Variants in DST observed in about 807,000 individuals in gnomAD.
The protein encoded by DST is bullous pemphigoid antigen.
A neutral mutation model predicts 875.2 loss-of-function variants in DST; 253 were observed. That is an observed-to-expected ratio of 0.29 (90% CI 0.26 to 0.32). DST has a LOEUF of 0.32. DST is among the 10% of genes least tolerant of loss of function. The pLI is 1.00. For synonymous variants in DST, 3,124 were observed against 3,197.1 expected (o/e 0.98, Z 0.77); for missense variants, 8,287 against 9,111.6 (o/e 0.91, Z 3.68).
At chr6:56,517,141 C>T in intron 71 of DST, 57 bp downstream of exon 71, 1 of 1,258,442 alleles carries the variant, frequency 7.9e-7, no homozygotes, top group Non-Finnish European at 1.2e-6. Flanking sequence ...GGACTGAAAG[C>T]TCAACACCTG....
At chr6:56,843,197 C>T (rs867149203) in intron 4 of DST, 146 of 1,474,930 alleles carry the variant, frequency 9.9e-5, no homozygotes, top group Admixed American at 9.6e-5. Flanking sequence ...CCCCTCGTAA[C>T]CCCCGGACAG....
chr6:56,619,641 T>C, intron 36 of DST: 1 of 1,613,910 alleles, frequency 6.2e-7, no homozygotes, highest in Non-Finnish European at 8.5e-7. Flanking sequence ...TTGCGCTTTA[T>C]TTTCTTGAGA....
chr6:56,581,656 C>T (rs1018001057), intron 49 of DST, among the ~76,000 whole-genome samples: 1 of 152,214 alleles, frequency 6.6e-6, no homozygotes, highest in African/African-American at 2.4e-5. Flanking sequence ...GCCACACAGG[C>T]CTATTCCCAG....
intron 4 of DST, among the ~76,000 whole-genome samples, chr6:56,769,820 C>T (rs1227216269): frequency 1.3e-5 from 2 of 152,042 alleles, no homozygotes; most frequent in South Asian, 2.1e-4. Flanking sequence ...GTTGAGACCC[C>T]GTTTCACAAA....
Position 56,631,979 on chromosome 6 carries a change from C to T in DST, c.3867G>A (p.Arg1289=), listed in dbSNP as rs1204451139. 1 of 1,613,602 alleles carries T rather than the reference C, an allele frequency of 6.2e-7. No homozygotes were observed. The highest frequency in any genetic ancestry group is 1.1e-5 in the South Asian group (1 of 91,070). The part of the protein sequence containing the change: ...YISEVRNIRL[R]LENCEDRLIR... ...TCAGCCGATCTTCACAGTTCTCTAA[C>T]CGAAGTCTAATGTTTCGAACTTCAG... The change falls in exon 29 of 104, where the codon CGG becomes CGA. Residue 1289 remains arginine (R), a synonymous_variant. Coordinates refer to ENST00000680361, the MANE Select transcript of DST (RefSeq NM_001374736.1).
In DST at chr6:56,565,252, C is replaced by G. The variant is rs192788992; in HGVS notation, c.14006-3052G>C. On this transcript the variant is annotated intron_variant, in intron 55 of 103. Coordinates refer to ENST00000680361, the MANE Select transcript of DST (RefSeq NM_001374736.1). The stretch of plus-strand genomic sequence containing the variant: ...TCTCCCACATCAACCTCCTGAGTAG[C>G]TGGGACTACAGGCACCCACCACCAA... 7.4e-4 allele frequency among the ~76,000 whole-genome samples: 113 copies of G among 151,778 alleles called. 2 individuals are homozygous for G. In the Middle Eastern group the frequency reaches 0.017, roughly 23 times the overall value.
intron 4 of DST, among the ~76,000 whole-genome samples, chr6:56,782,036 C>T (rs542940592): frequency 0.055 from 8,351 of 151,780 alleles, 257 homozygotes; most frequent in Non-Finnish European, 0.063. Flanking sequence ...TATTGATTTG[C>T]GTATATTGAA....
intron 102 of DST, chr6:56,460,999 A>T (rs1408519156): frequency 2.6e-5 from 4 of 152,204 alleles, no homozygotes; most frequent in Non-Finnish European, 4.4e-5. Flanking sequence ...ACATTTAAAA[A>T]ATTCTCCCAA....
chr6:56,940,211 C>G (rs1368363271), intron 2 of DST, among the ~76,000 whole-genome samples: 1 of 151,282 alleles, frequency 6.6e-6, no homozygotes, highest in African/African-American at 2.4e-5. Flanking sequence ...CACACACACA[C>G]ACACACACAC....
At chr6:56,612,793 T>A (rs1357164955) in intron 37 of DST, among the ~76,000 whole-genome samples, 2 of 152,244 alleles carry the variant, frequency 1.3e-5, no homozygotes, top group African/African-American at 4.8e-5. Context: ...GCATTAAGAA[T>A]GTATCTAGGG....
chr6:56,690,474 A>G (rs1353005395), intron 9 of DST, among the ~76,000 whole-genome samples: 1 of 152,172 alleles, frequency 6.6e-6, no homozygotes, highest in Non-Finnish European at 1.5e-5. Flanking sequence ...ATGTCATTGC[A>G]ACGACTCAAA....
At position 56,493,062 on chromosome 6, in the gene DST, C is replaced by T; in HGVS notation, c.20422G>A (p.Ala6808Thr). The change falls in exon 84 of 104, where the codon GCA (alanine) becomes ACA (threonine). Residue 6808 changes from alanine to threonine, a missense_variant. Ala to Thr is a moderately conservative substitution (Grantham distance 58). Transcript: ENST00000680361. Reference sequence around the variant, plus strand: ...TGGAGAGAATTGTGGAACTCCATTGCCAAGTTGAGAGCCTCTTCCAGTTTA... The same window carrying T: ...TGGAGAGAATTGTGGAACTCCATTGTCAAGTTGAGAGCCTCTTCCAGTTTA... ...KTKLEEALNL[A>T]MEFHNSLQDF... 1.2e-6 allele frequency: 2 copies of T among 1,611,868 alleles called. No homozygotes were observed. Among genetic ancestry groups the T allele is most frequent in the Non-Finnish European group, 1.7e-6 (2 of 1,178,908 alleles).
Position 56,583,908 on chromosome 6 carries a change from C to T in DST, c.12904-4971G>A, listed in dbSNP as rs149199461. On this transcript the variant is annotated intron_variant, in intron 49 of 103. Transcript: ENST00000680361. ...ATCAAAGATCGGATAGTTGTAGATACGCGGTGTTATTTCTGAGGGCTCTGT... is the reference window on the plus strand; with the variant it reads ...ATCAAAGATCGGATAGTTGTAGATATGCGGTGTTATTTCTGAGGGCTCTGT... Among the ~76,000 whole-genome samples the T allele has an allele frequency of 6.2e-3, 942 of 152,098 alleles. 1 individual carries two copies. Among genetic ancestry groups the T allele is most frequent in the African/African-American group, 7.5e-3 (310 of 41,476 alleles).
intron 2 of DST, among the ~76,000 whole-genome samples, chr6:56,929,075 C>T (rs1287095520): frequency 6.6e-6 from 1 of 151,940 alleles, no homozygotes; most frequent in African/African-American, 2.4e-5. Context: ...AAAAAGAATA[C>T]AACTAAAAGA....
chr6:56,463,383 T>C (rs2094432858), intron 101 of DST, among the ~76,000 whole-genome samples, 182 bp downstream of exon 101: 1 of 152,178 alleles, frequency 6.6e-6, no homozygotes, highest in Non-Finnish European at 1.5e-5. Flanking sequence ...ATCATCTCTA[T>C]GTGGGCCACT....
At chr6:56,710,741 T>C (rs891604263) in intron 5 of DST, among the ~76,000 whole-genome samples, 5 of 152,204 alleles carry the variant, frequency 3.3e-5, no homozygotes, top group African/African-American at 4.8e-5. Context: ...TACAAATTTA[T>C]TTCAGTACTA....
intron 75 of DST, among the ~76,000 whole-genome samples, chr6:56,507,728 A>G (rs1562443462): frequency 6.6e-6 from 1 of 152,172 alleles, no homozygotes; most frequent in Non-Finnish European, 1.5e-5. Context: ...TAAAGGAGCA[A>G]GAGAAAAACA....
At chr6:56,923,895 G>A (rs1049548887) in intron 2 of DST, among the ~76,000 whole-genome samples, 1 of 152,060 alleles carries the variant, frequency 6.6e-6, no homozygotes, top group Non-Finnish European at 1.5e-5. Flanking sequence ...AGGCTGAGGC[G>A]GGAGGATCAC....
chr6:56,800,575 G>A (rs2099745489), intron 4 of DST, among the ~76,000 whole-genome samples: 1 of 152,076 alleles, frequency 6.6e-6, no homozygotes, highest in African/African-American at 2.4e-5. Flanking sequence ...CCTCTCTCTA[G>A]AACAGAAAAT....
Sources: gnomAD v4.1 joint callset for allele counts (sites outside exome capture counted in the v4.1 genomes callset) on GRCh38, gnomAD v4.1.1 for gene constraint, MANE v1.5 for transcripts, NCBI Gene and HGNC (gene_info 2026-07-23, HGNC 2026-07-21) for gene names.